The following NLK variants were observed in gnomAD, a reference collection of about 807,000 sequenced individuals.
NLK encodes serine/threonine-protein kinase NLK.
Under a neutral mutation model 59.0 loss-of-function variants are expected in NLK, and 11 were observed. The ratio of observed to expected loss-of-function variants is 0.19; its 90% CI spans 0.12 to 0.31. NLK has a LOEUF of 0.31. NLK is among the 10% of genes least tolerant of loss of function. The probability of loss-of-function intolerance (pLI) is 1.00; values close to 1 mark genes in which losing one functional copy is unlikely to be tolerated. For synonymous variants in NLK, 235 were observed against 235.9 expected (o/e 1.00, Z 0.03); for missense variants, 410 against 661.1 (o/e 0.62, Z 4.16).
chr17:28,182,655 T>C (rs981855856), intron 7 of NLK, among the ~76,000 whole-genome samples: 1 of 152,210 alleles, frequency 6.6e-6, no homozygotes, highest in East Asian at 1.9e-4. Context: ...GTTGCTGAGA[T>C]GGTCAAATTC....
intron 1 of NLK, among the ~76,000 whole-genome samples, chr17:28,072,166 A>G (rs1910025425): frequency 6.6e-6 from 1 of 151,472 alleles, no homozygotes; most frequent in South Asian, 2.1e-4. Context: ...CTTCTTTTTT[A>G]TTTTTTTATT....
intron 3 of NLK, among the ~76,000 whole-genome samples, chr17:28,151,624 A>G (rs1907483161): frequency 6.6e-6 from 1 of 152,214 alleles, no homozygotes; most frequent in African/African-American, 2.4e-5. Flanking sequence ...GTAAATGGAA[A>G]ATGGTAGAGG....
intron 1 of NLK, among the ~76,000 whole-genome samples, chr17:28,066,444 T>C (rs1909827648): frequency 6.6e-6 from 1 of 152,260 alleles, no homozygotes; most frequent in Non-Finnish European, 1.5e-5. Flanking sequence ...CCTTACGATT[T>C]ATGTTGCATG....
chr17:28,181,376 C>G (rs1908898191), intron 7 of NLK, among the ~76,000 whole-genome samples: 1 of 151,962 alleles, frequency 6.6e-6, no homozygotes, highest in African/African-American at 2.4e-5. Context: ...GCACTCCAGC[C>G]TGGGAGACAG....
chr17:28,084,627 A>G (rs984128530), intron 1 of NLK, among the ~76,000 whole-genome samples: 17 of 151,668 alleles, frequency 1.1e-4, no homozygotes, highest in East Asian at 5.8e-4. Context: ...GCGGTGGCGC[A>G]ATCTCGGCTC....
At position 28,138,406 on chromosome 17, in the gene NLK, G is replaced by A. The variant is rs557720375; in HGVS notation, c.644+5731G>A. ...CTTGGATTTTACTTGATGTTCTGGC[G>A]CAATTATTGTGAAGTTCTCACTCTC... On this transcript the variant is annotated intron_variant, in intron 3 of 10. Coordinates refer to ENST00000407008, the MANE Select transcript of NLK (RefSeq NM_016231.5). Among the ~76,000 whole-genome samples, 158 of 152,248 alleles carry A rather than the reference G, an allele frequency of 1.0e-3. 1 individual carries two copies. The highest frequency in any genetic ancestry group is 3.6e-3 in the African/African-American group (149 of 41,548).
At chr17:28,075,560 A>C (rs1314534594) in intron 1 of NLK, among the ~76,000 whole-genome samples, 1 of 152,218 alleles carries the variant, frequency 6.6e-6, no homozygotes, top group Non-Finnish European at 1.5e-5. Flanking sequence ...ATTTTGACAC[A>C]GCAATTGAGC....
At chr17:28,132,555 C>G in intron 2 of NLK, 65 bp from the exon 3 acceptor site, 1 of 1,219,982 alleles carries the variant, frequency 8.2e-7, no homozygotes, top group South Asian at 1.3e-5. Context: ...TATTTACTTG[C>G]ATTTATGTCG....
chr17:28,122,556 G>A (rs748768728), intron 1 of NLK, 47 bp from the exon 2 acceptor site: 3 of 1,606,602 alleles, frequency 1.9e-6, no homozygotes, highest in African/African-American at 2.7e-5. Context: ...GTGTGGAACT[G>A]ATTTCTCTGT....
intron 1 of NLK, among the ~76,000 whole-genome samples, chr17:28,107,741 GA>G (rs1435623570): frequency 6.6e-6 from 1 of 152,110 alleles, no homozygotes; most frequent in Non-Finnish European, 1.5e-5. Flanking sequence ...TCATTACTGG[GA>G]AAAATAGTAA....
At chr17:28,046,188 A>G (rs538933637) in intron 1 of NLK, among the ~76,000 whole-genome samples, 4 of 152,356 alleles carry the variant, frequency 2.6e-5, no homozygotes, top group East Asian at 1.9e-4. Flanking sequence ...GCATTTTACC[A>G]GATTTATCAC....
At chr17:28,205,559 T>C in the NLK span, among the ~76,000 whole-genome samples, 43 of 152,360 alleles carry the variant, frequency 2.8e-4, no homozygotes, top group African/African-American at 1.0e-3. Context: ...TGTTTTGTAG[T>C]TACAATGGCT....
intron 1 of NLK, among the ~76,000 whole-genome samples, chr17:28,090,319 C>T (rs1435412792): frequency 6.6e-6 from 1 of 152,146 alleles, no homozygotes; most frequent in East Asian, 1.9e-4. Flanking sequence ...TGTTATTTTG[C>T]TTTAAACAGT....
At chr17:28,111,008 C>G (rs887789329) in intron 1 of NLK, among the ~76,000 whole-genome samples, 1 of 151,530 alleles carries the variant, frequency 6.6e-6, no homozygotes, top group African/African-American at 2.4e-5. Flanking sequence ...CTACGCCCGG[C>G]TAATTTTTTG....
At chr17:28,111,896 G>GTGTGTGTGTGTGGT (rs1394476582) in intron 1 of NLK, among the ~76,000 whole-genome samples, 2 of 67,486 alleles carry the variant, frequency 3.0e-5, no homozygotes, top group African/African-American at 1.2e-4. Flanking sequence ...GTGTGTGTGT[G>GTGTGTGTGTGTGGT]GTGTGTGTGT....
intron 3 of NLK, among the ~76,000 whole-genome samples, chr17:28,160,802 T>G (rs1907974171): frequency 6.6e-6 from 1 of 152,198 alleles, no homozygotes; most frequent in Non-Finnish European, 1.5e-5. Context: ...CCCCATTTGT[T>G]TGGATTCAAA....
chr17:28,181,594 A>G (rs905724248), intron 7 of NLK, among the ~76,000 whole-genome samples: 4 of 152,056 alleles, frequency 2.6e-5, no homozygotes, highest in African/African-American at 9.7e-5. Context: ...AAGGAAAAGA[A>G]AAATACTTCT....
intron 1 of NLK, chr17:28,048,487 C>T (rs1909138355): frequency 6.6e-6 from 1 of 151,940 alleles, no homozygotes; most frequent in African/African-American, 2.4e-5. Flanking sequence ...GCCATCAGTA[C>T]CACTGGGCAT....
intron 1 of NLK, among the ~76,000 whole-genome samples, chr17:28,115,678 C>CA (rs1905733564): frequency 6.6e-6 from 1 of 152,074 alleles, no homozygotes; most frequent in African/African-American, 2.4e-5. Flanking sequence ...TCCCCCCCAT[C>CA]AATTTGGGGG....
Sources: allele counts gnomAD v4.1 joint callset (sites outside exome capture counted in the v4.1 genomes callset), GRCh38; gene constraint gnomAD v4.1.1; transcripts MANE v1.5; gene names NCBI Gene and HGNC (gene_info 2026-07-23, HGNC 2026-07-21).